The following N4BP2 variants were observed in gnomAD, a reference collection of about 807,000 sequenced individuals.
N4BP2 encodes the protein NEDD4 binding protein 2.
A neutral mutation model predicts 152.8 loss-of-function variants in N4BP2; 91 were observed. The ratio of observed to expected loss-of-function variants is 0.60; its 90% CI spans 0.50 to 0.71. N4BP2 has a LOEUF of 0.71. Among genes scored for constraint, N4BP2 ranks in the 30% least tolerant of loss-of-function variants. The probability of loss-of-function intolerance (pLI) is 0.00; values close to 1 mark genes in which losing one functional copy is unlikely to be tolerated. For synonymous variants in N4BP2, 646 were observed against 705.3 expected (o/e 0.92, Z 1.33); for missense variants, 1,923 against 2,059.1 (o/e 0.93, Z 1.28).
the N4BP2 span, among the ~76,000 whole-genome samples, chr4:40,184,782 C>T: frequency 2.6e-3 from 402 of 152,050 alleles, 12 homozygotes; most frequent in East Asian, 0.053. Context: ...ATGGAGAAAC[C>T]CCATCTCTAC....
intron 14 of N4BP2, 51 bp from the exon 15 acceptor site, chr4:40,142,622 G>A (rs1342050119): frequency 1.7e-5 from 21 of 1,227,154 alleles, no homozygotes; most frequent in Non-Finnish European, 2.1e-5. Flanking sequence ...TAAGGCATGA[G>A]TTTTTTTTTT....
the N4BP2 span, among the ~76,000 whole-genome samples, chr4:40,176,831 C>T: frequency 6.6e-6 from 1 of 152,228 alleles, no homozygotes; most frequent in South Asian, 2.1e-4. Flanking sequence ...AACCTGGCCC[C>T]TCCTCTTCCT....
At chr4:40,160,843 CATGTT>C (rs1405344089), downstream of N4BP2, among the ~76,000 whole-genome samples, 2 of 152,154 alleles carry the variant, frequency 1.3e-5, no homozygotes, top group Non-Finnish European at 2.9e-5. Context: ...GCTCCTGACT[CATGTT>C]AAGTTTTAGT....
chr4:40,134,301 C>T (rs1346499898), intron 13 of N4BP2, among the ~76,000 whole-genome samples: 3 of 152,188 alleles, frequency 2.0e-5, no homozygotes, highest in East Asian at 1.9e-4. Flanking sequence ...CATATGGCCA[C>T]TCCTGTTCTA....
chr4:40,121,038 C>A lies in N4BP2; in HGVS notation c.2927C>A (p.Pro976His). ...AGTCATGGGCAACACACATCGTTGCCTCTTACTTTTACCAATAGTGCACCA... is the reference window on the plus strand; with the variant it reads ...AGTCATGGGCAACACACATCGTTGCATCTTACTTTTACCAATAGTGCACCA... The part of the protein sequence containing the change: ...KKSHGQHTSL[P>H]LTFTNSAPTV... Residue 976 changes from proline to histidine, a missense_variant, in exon 9 of 18, where the codon CCT becomes CAT. Coordinates refer to ENST00000261435, the MANE Select transcript of N4BP2 (RefSeq NM_018177.6). The A allele has an allele frequency of 1.2e-6, 2 of 1,614,038 alleles. No homozygotes were observed. The highest frequency in any genetic ancestry group is 1.7e-6 in the Non-Finnish European group (2 of 1,180,004).
At chr4:40,181,764 A>G in the N4BP2 span, among the ~76,000 whole-genome samples, 4 of 152,234 alleles carry the variant, frequency 2.6e-5, no homozygotes, top group East Asian at 5.8e-4. Flanking sequence ...CCTGGCCAAC[A>G]TGGTGAAACC....
chr4:40,073,986 T>G (rs970322957), intron 2 of N4BP2, among the ~76,000 whole-genome samples: 9 of 151,926 alleles, frequency 5.9e-5, no homozygotes, highest in African/African-American at 2.2e-4. Flanking sequence ...GAGACAAGTT[T>G]TCTCCATGTT....
chr4:40,171,078 G>C, the N4BP2 span, among the ~76,000 whole-genome samples: 2 of 152,200 alleles, frequency 1.3e-5, no homozygotes, highest in African/African-American at 2.4e-5. Context: ...TTTAATGATT[G>C]TATCAGTTAT....
At chr4:40,116,957 TA>T (rs547693174) in intron 7 of N4BP2, among the ~76,000 whole-genome samples, 145 of 152,316 alleles carry the variant, frequency 9.5e-4, no homozygotes, top group African/African-American at 3.3e-3. Flanking sequence ...TCTTTGTAGA[TA>T]ACTAGTTTTA....
chr4:40,105,542 C>G (rs552380293), intron 4 of N4BP2, among the ~76,000 whole-genome samples: 6 of 136,444 alleles, frequency 4.4e-5, no homozygotes, highest in Non-Finnish European at 9.5e-5. Context: ...CCAGGCTGGT[C>G]TCAAACTTTT....
intron 2 of N4BP2, among the ~76,000 whole-genome samples, chr4:40,088,502 G>GTT (rs199929808): frequency 0.066 from 9,142 of 139,406 alleles, 369 homozygotes; most frequent in Non-Finnish European, 0.087. Flanking sequence ...TCTCATTATA[G>GTT]TTTTTTTTTT....
intron 1 of N4BP2, among the ~76,000 whole-genome samples, chr4:40,059,760 C>G (rs957709382): frequency 6.6e-6 from 1 of 152,144 alleles, no homozygotes; most frequent in Non-Finnish European, 1.5e-5. Flanking sequence ...AATGAAGTGG[C>G]TTATGTGTAT....
intron 12 of N4BP2, 37 bp downstream of exon 12, chr4:40,126,367 A>C (rs777946275): frequency 1.9e-6 from 2 of 1,038,640 alleles, no homozygotes; most frequent in Admixed American, 2.8e-5. Flanking sequence ...ACTGTCTCTG[A>C]TTCTGGTTTA....
chr4:40,081,685 T>C (rs1475237364), intron 2 of N4BP2, among the ~76,000 whole-genome samples: 3 of 151,730 alleles, frequency 2.0e-5, no homozygotes, highest in Non-Finnish European at 2.9e-5. Context: ...TTAAATATTA[T>C]CCAAATCAGG....
At chr4:40,085,577 T>C (rs1713859624) in intron 2 of N4BP2, among the ~76,000 whole-genome samples, 1 of 152,070 alleles carries the variant, frequency 6.6e-6, no homozygotes, top group Admixed American at 6.6e-5. Context: ...CTGCCTAAGC[T>C]TCCAGAGTCG....
rs759689994 is a variant in N4BP2 at position 40,142,793 on chromosome 4, T to C, written c.4906T>C (p.Cys1636Arg). 1 of 1,613,958 alleles carries C rather than the reference T, an allele frequency of 6.2e-7. No individual in the cohort carries two copies. Among genetic ancestry groups the C allele is most frequent in the Non-Finnish European group, 8.5e-7 (1 of 1,179,974 alleles). Residue 1636 changes from cysteine (C) to arginine (R), a missense_variant, in exon 15 of 18, where the codon TGC (cysteine) becomes CGC (arginine). Physicochemically the swap from Cys to Arg is radical, Grantham distance 180. Transcript: ENST00000261435. ...AFLHQQKRME[C>R]YSKAKEAYRI... ...CCTTCACCAACAGAAGAGGATGGAG[T>C]GCTACAGCAAGGCCAAAGAAGCTTA...
At chr4:40,089,689 A>C (rs1457732108) in intron 2 of N4BP2, among the ~76,000 whole-genome samples, 1 of 151,978 alleles carries the variant, frequency 6.6e-6, no homozygotes, top group Non-Finnish European at 1.5e-5. Flanking sequence ...TGCATGCCTC[A>C]GCCTCCCAAA....
intron 2 of N4BP2, among the ~76,000 whole-genome samples, chr4:40,084,311 C>G (rs1292029990): frequency 2.0e-5 from 3 of 152,016 alleles, no homozygotes; most frequent in African/African-American, 7.2e-5. Context: ...AAAGAATAGG[C>G]AAAAATGACT....
downstream of N4BP2, among the ~76,000 whole-genome samples, chr4:40,160,768 A>G (rs1373307345): frequency 6.6e-6 from 1 of 152,214 alleles, no homozygotes; most frequent in Non-Finnish European, 1.5e-5. Context: ...TGCATAGTTG[A>G]TAAAGGGGCT....
Sources: gnomAD v4.1 joint callset for allele counts (sites outside exome capture counted in the v4.1 genomes callset) on GRCh38, gnomAD v4.1.1 for gene constraint, MANE v1.5 for transcripts, NCBI Gene and HGNC (gene_info 2026-07-23, HGNC 2026-07-21) for gene names.